ITGA10: variants seen among roughly 807,000 people sequenced by gnomAD.
The protein encoded by ITGA10 is integrin subunit alpha 10, also known as integrin alpha-10.
In ITGA10, 105 loss-of-function variants were observed where a neutral mutation model predicts 145.2. The observed-to-expected ratio is 0.72, with a 90% CI of 0.62 to 0.85. The LOEUF is 0.85. Ranked by LOEUF, ITGA10 falls within the 40% of genes least tolerant of loss-of-function variation. The probability of loss-of-function intolerance (pLI) is 0.00; values close to 1 mark genes in which losing one functional copy is unlikely to be tolerated. For missense variants in ITGA10, 1,317 were observed against 1,444.5 expected, an observed-to-expected ratio of 0.91 and a Z score of 1.43; for synonymous variants, 506 against 557.8, an observed-to-expected ratio of 0.91 and a Z score of 1.31.
At position 145,902,441 on chromosome 1, in the gene ITGA10, G is replaced by T; in HGVS notation, c.1075+13C>A. ...TTCTCCCGCCCTGTCCATTTCTCCA[G>T]AGTAATCCTCACCTTCAAGGCCAAA... is the stretch of plus-strand genomic sequence containing the variant. On this transcript the variant is annotated intron_variant, in intron 9 of 29. Transcript: ENST00000369304. 1 of 1,609,980 alleles carries T rather than the reference G, an allele frequency of 6.2e-7. No homozygotes were observed. The highest frequency in any genetic ancestry group is 8.5e-7 in the Non-Finnish European group (1 of 1,177,858).
Position 145,897,556 on chromosome 1 carries a change from G to A in ITGA10, c.2530C>T (p.Leu844Phe), listed in dbSNP as rs1570856787. ...AGGTGGAGGTTTCTAGAGAAGATGA[G>A]ACTCAGGCTCGTATTGTAAGCATTT... ...KENAYNTSLS[L>F]IFSRNLHLAS... The change falls in exon 20 of 30, where the codon CTC becomes TTC. Residue 844 changes from leucine (L) to phenylalanine (F), a missense_variant. Physicochemically the swap from Leu to Phe is conservative, Grantham distance 22. Transcript: ENST00000369304. 6.2e-7 allele frequency: 1 copy of A among 1,614,042 alleles called. No individual in the cohort carries two copies. Among genetic ancestry groups the A allele is most frequent in the Admixed American group, 1.7e-5 (1 of 59,994 alleles).
At chr1:145,905,152 A>T (rs1656954828) in intron 5 of ITGA10, among the ~76,000 whole-genome samples, 1 of 152,188 alleles carries the variant, frequency 6.6e-6, no homozygotes, top group Non-Finnish European at 1.5e-5. Flanking sequence ...GTAGGAACAT[A>T]GCAATGACTG....
Position 145,901,053 on chromosome 1 carries a change from C to T in ITGA10, c.1588-60G>A. ...GGCAGACCCAACCTCTCAGCAAACC[C>T]TCAAATATGTGCACCTTCCCTCCTT... On this transcript the variant is annotated intron_variant, in intron 13 of 29. Transcript: ENST00000369304. This position sits in a 1 kb window ranked among gnomAD's most constrained non-coding sequence, Gnocchi z 4.3. 1.2e-6 allele frequency: 2 copies of T among 1,612,978 alleles called. No individual in the cohort carries two copies.
At chr1:145,903,830 C>A (rs1656715835) in intron 7 of ITGA10, among the ~76,000 whole-genome samples, 1 of 151,988 alleles carries the variant, frequency 6.6e-6, no homozygotes, top group African/African-American at 2.4e-5. Flanking sequence ...TGCCTCTGAA[C>A]AGGCATGCGC....
chr1:145,901,091 C>T lies in ITGA10; in HGVS notation c.1587+44G>A. The T allele has an allele frequency of 1.2e-6, 2 of 1,613,192 alleles. No homozygotes were observed. Among genetic ancestry groups the T allele is most frequent in the Non-Finnish European group, 1.7e-6 (2 of 1,179,480 alleles). ...ACCTTCCCTCCTTTCCTCCCTCCAC[C>T]CCCACAATGCAAGTCCAGGGCAGGG... On this transcript the variant is annotated intron_variant, in intron 13 of 29. Coordinates refer to ENST00000369304, the MANE Select transcript of ITGA10 (RefSeq NM_003637.5). This position sits in a 1 kb window ranked among gnomAD's most constrained non-coding sequence, Gnocchi z 4.3.
chr1:145,909,754 A>C (rs1553752645), intron 1 of ITGA10, among the ~76,000 whole-genome samples: 1 of 149,276 alleles, frequency 6.7e-6, no homozygotes, highest in East Asian at 1.9e-4. Context: ...GGTCCTAGGC[A>C]GCTTTAGCCC....
intron 1 of ITGA10, among the ~76,000 whole-genome samples, chr1:145,908,407 C>T (rs1383727424): frequency 6.6e-6 from 1 of 152,134 alleles, no homozygotes; most frequent in Non-Finnish European, 1.5e-5. Flanking sequence ...AGGGTCCCAT[C>T]ATCCTGAAGT....
intron 23 of ITGA10, 113 bp downstream of exon 23, chr1:145,896,656 G>T: frequency 1.2e-6 from 1 of 859,166 alleles, no homozygotes. Context: ...AGACTGAGCA[G>T]CCGCAAGGGC....
At chr1:145,908,661 T>C (rs587715475) in intron 1 of ITGA10, among the ~76,000 whole-genome samples, 26 of 152,310 alleles carry the variant, frequency 1.7e-4, no homozygotes, top group Admixed American at 7.8e-4. Context: ...TATGTCTTGC[T>C]CTGTACTTCT....
At chr1:145,899,473 C>T in intron 15 of ITGA10, 132 bp from the exon 16 acceptor site, 1 of 953,498 alleles carries the variant, frequency 1.0e-6, no homozygotes, top group Non-Finnish European at 1.6e-6. Context: ...CTCCCCCGAA[C>T]CCTCTGACAG....
chr1:145,893,117 T>G (rs1654919856), intron 29 of ITGA10, 44 bp downstream of exon 29: 1 of 1,399,314 alleles, frequency 7.1e-7, no homozygotes, highest in African/African-American at 1.4e-5. Context: ...ATCCCTCAAC[T>G]CATGGGCATC....
chr1:145,899,234 G>A lies in ITGA10; in HGVS notation c.2030C>T (p.Thr677Ile), dbSNP rs781953855. The change falls in exon 16 of 30, where the codon ACT becomes ATT. Residue 677 changes from threonine to isoleucine, a missense_variant. Thr to Ile is a moderately conservative substitution (Grantham distance 89, BLOSUM62 -1). Coordinates refer to ENST00000369304, the MANE Select transcript of ITGA10 (RefSeq NM_003637.5). Reference protein sequence around the residue: ...RRRGQEAVCLTAALCFQVTSR... With the variant: ...RRRGQEAVCLIAALCFQVTSR... ...GGTCACTTGGAAGCAAAGGGCTGCAGTCAGACAGACTGCCTCTTGGCCTCG... is the reference window on the plus strand; with the variant it reads ...GGTCACTTGGAAGCAAAGGGCTGCAATCAGACAGACTGCCTCTTGGCCTCG... 1 of 1,614,262 alleles carries A rather than the reference G, an allele frequency of 6.2e-7. No homozygotes were observed. The highest frequency in any genetic ancestry group is 2.2e-5 in the East Asian group (1 of 44,886).
chr1:145,895,779 A>T, intron 25 of ITGA10, 68 bp from the exon 26 acceptor site: 2 of 1,386,190 alleles, frequency 1.4e-6, no homozygotes, highest in Non-Finnish European at 2.1e-6. Flanking sequence ...GCTGAGTTGG[A>T]ACATACCTAC....
chr1:145,896,854 T>C lies in ITGA10; in HGVS notation c.2749A>G (p.Ser917Gly). ...VFVKLTASSD[S>G]LERNGTLQDN... ...TGAAGGGTCCCATTTCTCTCCAGGC[T>C]GTCACTGTAGGGTCAGAGGGGAGAG... The change falls in exon 23 of 30, where the codon AGC (serine) becomes GGC (glycine). Residue 917 changes from serine (S) to glycine (G), a missense_variant. Ser to Gly is a moderately conservative substitution (Grantham distance 56). Transcript: ENST00000369304. 1 of 1,613,572 alleles carries C rather than the reference T, an allele frequency of 6.2e-7. No individual in the cohort carries two copies. The highest frequency in any genetic ancestry group is 8.5e-7 in the Non-Finnish European group (1 of 1,179,544).
intron 9 of ITGA10, 67 bp from the exon 10 acceptor site, chr1:145,902,386 C>A: frequency 3.1e-6 from 5 of 1,609,092 alleles, no homozygotes; most frequent in Non-Finnish European, 4.3e-6. Context: ...CTACTGAACT[C>A]ACTCCAGAGC....
At chr1:145,902,204 T>G in intron 10 of ITGA10, 42 bp downstream of exon 10, 1 of 1,602,600 alleles carries the variant, frequency 6.2e-7, no homozygotes, top group Non-Finnish European at 8.5e-7. Context: ...GTTATCTGAG[T>G]CAGAGAATGG....
chr1:145,894,239 G>A (rs1655082191), intron 27 of ITGA10, among the ~76,000 whole-genome samples: 1 of 151,114 alleles, frequency 6.6e-6, no homozygotes. Flanking sequence ...AACCTCCCAA[G>A]TAGCTGGGAC....
In ITGA10 at chr1:145,901,373, G is replaced by T; in HGVS notation, c.1444-95C>A. ...GAAGCACTCACCAGCCTGCTAGTCTGCTCCTTACATCCCTGACAGACTCTG... is the reference window on the plus strand; with the variant it reads ...GAAGCACTCACCAGCCTGCTAGTCTTCTCCTTACATCCCTGACAGACTCTG... On this transcript the variant is annotated intron_variant, in intron 12 of 29. Transcript: ENST00000369304. This position sits in a 1 kb window ranked among gnomAD's most constrained non-coding sequence, Gnocchi z 4.3. 1.3e-6 allele frequency: 2 copies of T among 1,522,990 alleles called. No homozygotes were observed. The highest frequency in any genetic ancestry group is 1.8e-6 in the Non-Finnish European group (2 of 1,118,800). The allele number at this position is 1,522,990 out of a possible 1,614,324, so 94.3% of individuals were successfully genotyped here.
At chr1:145,907,653 T>G in intron 1 of ITGA10, 188 bp from the exon 2 acceptor site, 1 of 964,538 alleles carries the variant, frequency 1.0e-6, no homozygotes, top group Non-Finnish European at 1.2e-6. Flanking sequence ...CCTGTGTTTG[T>G]GTCCAGATGC....
Sources: allele counts gnomAD v4.1 joint callset (sites outside exome capture counted in the v4.1 genomes callset), GRCh38; gene constraint gnomAD v4.1.1; non-coding constraint Gnocchi (gnomAD v3.1); transcripts MANE v1.5; gene names NCBI Gene and HGNC (gene_info 2026-07-23, HGNC 2026-07-21).